The following POLR3GL variants were observed in gnomAD, a reference collection of about 807,000 sequenced individuals.
POLR3GL encodes the protein RNA polymerase III subunit GL, also known as DNA-directed RNA polymerase III subunit RPC7-like.
In POLR3GL, 26 loss-of-function variants were observed where a neutral mutation model predicts 32.4. That is an observed-to-expected ratio of 0.80 (90% CI 0.59 to 1.11). POLR3GL has a LOEUF of 1.11. POLR3GL is among the 50% of genes most tolerant of loss of function. The pLI is 0.00. For synonymous variants in POLR3GL, 95 were observed against 98.7 expected (o/e 0.96, Z 0.22); for missense variants, 229 against 280.1 (o/e 0.82, Z 1.30).
chr1:145,972,013 C>CGTGT (rs1206867198), intron 1 of POLR3GL, among the ~76,000 whole-genome samples: 411 of 96,894 alleles, frequency 4.2e-3, no homozygotes, highest in African/African-American at 0.018. Context: ...TATATATATA[C>CGTGT]GTGTGTGTGT....
At position 145,978,047 on chromosome 1, in the gene POLR3GL, A is replaced by C. The variant is rs1271826315; in HGVS notation, c.521A>C (p.Glu174Ala). The C allele has an allele frequency of 6.2e-7, 1 of 1,607,822 alleles. No homozygotes were observed. The highest frequency in any genetic ancestry group is 1.7e-5 in the Admixed American group (1 of 59,804). Residue 174 changes from glutamate to alanine, a missense_variant, in exon 7 of 8, where the codon GAG (glutamate) becomes GCG (alanine). Transcript: ENST00000369314. ...EEDEEKEEEE[E>A]KEEEEEEEYD... ...GATGAGGAGAAAGAAGAAGAAGAAG[A>C]GAAGGAAGAGGAGGAAGAAGAAGAG...
chr1:145,974,273 C>G (rs1170455704), intron 1 of POLR3GL, among the ~76,000 whole-genome samples: 2 of 152,156 alleles, frequency 1.3e-5, no homozygotes, highest in African/African-American at 4.8e-5. Context: ...AAATGTTTCG[C>G]CGAATGCATT....
chr1:145,966,298 G>A (rs1650025868), intron 1 of POLR3GL, among the ~76,000 whole-genome samples: 1 of 150,834 alleles, frequency 6.6e-6, no homozygotes, highest in African/African-American at 2.4e-5. Flanking sequence ...TAGGCAACAT[G>A]ACAAAACCCT....
Position 145,977,159 on chromosome 1 carries a change from G to C in POLR3GL, c.325+7G>C. 2.5e-6 allele frequency: 4 copies of C among 1,611,506 alleles called. No homozygotes were observed. Among genetic ancestry groups the C allele is most frequent in the Non-Finnish European group, 3.4e-6 (4 of 1,177,654 alleles). The stretch of plus-strand genomic sequence containing the variant: ...GCCATCGATTGGAACCCTGGTAGGT[G>C]ATGGGCCCTTTCATTGACTGCCCTT... On this transcript the variant is annotated splice_region_variant and intron_variant, in intron 4 of 7. Coordinates refer to ENST00000369314, the MANE Select transcript of POLR3GL (RefSeq NM_032305.3).
chr1:145,977,210 G>A, intron 4 of POLR3GL, 58 bp downstream of exon 4: 1 of 1,446,922 alleles, frequency 6.9e-7, no homozygotes, highest in South Asian at 1.1e-5. Context: ...GATGCTTCAA[G>A]CTATTCCCAC....
At chr1:145,977,447 G>C in intron 4 of POLR3GL, 36 bp from the exon 5 acceptor site, 1 of 1,600,024 alleles carries the variant, frequency 6.2e-7, no homozygotes, top group Non-Finnish European at 8.6e-7. Flanking sequence ...ACCCCAGGCA[G>C]GGTCCTATTG....
At chr1:145,972,012 ACG>A (rs1650340688) in intron 1 of POLR3GL, among the ~76,000 whole-genome samples, 17 of 112,598 alleles carry the variant, frequency 1.5e-4, no homozygotes, top group African/African-American at 6.5e-4. Context: ...ATATATATAT[ACG>A]TGTGTGTGTG....
chr1:145,970,409 G>A (rs1257897112), intron 1 of POLR3GL, among the ~76,000 whole-genome samples: 4 of 152,090 alleles, frequency 2.6e-5, no homozygotes, highest in Non-Finnish European at 5.9e-5. Flanking sequence ...GCCTCCCAGA[G>A]TGCTGGGATT....
At chr1:145,965,750 T>G (rs1559251298) in intron 1 of POLR3GL, among the ~76,000 whole-genome samples, 2 of 152,238 alleles carry the variant, frequency 1.3e-5, no homozygotes, top group Non-Finnish European at 2.9e-5. Context: ...TGTTCTTTAG[T>G]CAATATCCTA....
chr1:145,978,409 G>A lies in POLR3GL; in HGVS notation c.619G>A (p.Gly207Ser), dbSNP rs782164607. The change falls in exon 8 of 8, where the codon GGT (glycine) becomes AGT (serine). Residue 207 changes from glycine (G) to serine (S), a missense_variant. Gly to Ser is a moderately conservative substitution (Grantham distance 56, BLOSUM62 0). Transcript: ENST00000369314. Reference sequence around the variant, plus strand: ...TTTTGACAATGGAGAGGACTTTGGTGGTGACAGTGATGACAATATGGACGA... The same window carrying A: ...TTTTGACAATGGAGAGGACTTTGGTAGTGACAGTGATGACAATATGGACGA... The part of the protein sequence containing the change: ...SYFDNGEDFG[G>S]DSDDNMDEAI... 3.1e-6 allele frequency: 5 copies of A among 1,612,050 alleles called. No homozygotes were observed. In the South Asian group the frequency reaches 4.4e-5, roughly 14 times the overall value.
At chr1:145,964,922 A>G (rs1553761839) in intron 1 of POLR3GL, among the ~76,000 whole-genome samples, 154 bp downstream of exon 1, 2 of 152,192 alleles carry the variant, frequency 1.3e-5, no homozygotes, top group Non-Finnish European at 2.9e-5. Context: ...TATTGATTGT[A>G]TACTAGAGAA....
At chr1:145,965,128 G>T (rs1570986933) in intron 1 of POLR3GL, among the ~76,000 whole-genome samples, 1 of 152,190 alleles carries the variant, frequency 6.6e-6, no homozygotes, top group Non-Finnish European at 1.5e-5. Context: ...CTTGCAAAAT[G>T]AATTGTTCCC....
In POLR3GL at chr1:145,966,266, G is replaced by T. The variant is rs146455134; in HGVS notation, c.-42+1498G>T. On this transcript the variant is annotated intron_variant, in intron 1 of 7. Coordinates refer to ENST00000369314, the MANE Select transcript of POLR3GL (RefSeq NM_032305.3). ...AGGCTGAGGTAGGCAGATCACTTTA[G>T]CCCAGGAGTTCAAGACCAGTCTAGG... Among the ~76,000 whole-genome samples the T allele has an allele frequency of 4.0e-3, 592 of 149,516 alleles. 4 individuals carry two copies. Among genetic ancestry groups the T allele is most frequent in the African/African-American group, 0.012 (499 of 40,556 alleles).
chr1:145,971,185 C>CAAAAAAAA (rs36126138), intron 1 of POLR3GL, among the ~76,000 whole-genome samples: 1 of 90,658 alleles, frequency 1.1e-5, no homozygotes, highest in Admixed American at 1.4e-4. Context: ...AACTCCATCT[C>CAAAAAAAA]AAAAAAAAAA....
intron 1 of POLR3GL, among the ~76,000 whole-genome samples, chr1:145,966,116 CAAAAAAAAAAAA>C (rs58691867): frequency 5.4e-5 from 2 of 37,170 alleles, no homozygotes; most frequent in Non-Finnish European, 1.0e-4. Flanking sequence ...AACTCCCTCT[CAAAAAAAAAAAA>C]AAAAAAAAAA....
At chr1:145,969,867 C>T (rs1169278355) in intron 1 of POLR3GL, among the ~76,000 whole-genome samples, 1 of 147,424 alleles carries the variant, frequency 6.8e-6, no homozygotes, top group Non-Finnish European at 1.5e-5. Flanking sequence ...TGCGGTGAGC[C>T]GAGATTGCAC....
chr1:145,968,891 C>A (rs1235067366), intron 1 of POLR3GL, among the ~76,000 whole-genome samples: 1 of 151,858 alleles, frequency 6.6e-6, no homozygotes, highest in African/African-American at 2.4e-5. Context: ...TATTATTTCT[C>A]TAGTCTCCAT....
At chr1:145,967,570 G>T (rs1258776787) in intron 1 of POLR3GL, among the ~76,000 whole-genome samples, 1 of 152,096 alleles carries the variant, frequency 6.6e-6, no homozygotes, top group African/African-American at 2.4e-5. Flanking sequence ...GATTTTAAGG[G>T]TGTTAATTTC....
rs1650589675 is a variant in POLR3GL at position 145,977,083 on chromosome 1, G to A, written c.257-1G>A. On this transcript the variant is annotated splice_acceptor_variant, in intron 3 of 7. Transcript: ENST00000369314. LOFTEE classifies it high-confidence loss of function. ...AAAACTTTGACCCTTCCACCCCTCA[G>A]ATGTGGAGCGTTATTCAGACAAATA... The A allele has an allele frequency of 6.2e-7, 1 of 1,613,650 alleles. No homozygotes were observed. Among genetic ancestry groups the A allele is most frequent in the South Asian group, 1.1e-5 (1 of 91,074 alleles).
Sources: allele counts gnomAD v4.1 joint callset (sites outside exome capture counted in the v4.1 genomes callset), GRCh38; gene constraint gnomAD v4.1.1; transcripts MANE v1.5; gene names NCBI Gene and HGNC (gene_info 2026-07-23, HGNC 2026-07-21).